Variants in SLC4A10 observed in about 807,000 individuals in gnomAD.
SLC4A10 encodes the protein solute carrier family 4 member 10, also known as sodium-driven chloride bicarbonate exchanger.
A neutral mutation model predicts 137.7 loss-of-function variants in SLC4A10; 42 were observed. That is an observed-to-expected ratio of 0.30 (90% CI 0.24 to 0.39). The LOEUF is 0.39. SLC4A10 is among the 10% of genes least tolerant of loss of function. SLC4A10 has a pLI of 1.00. For synonymous variants in SLC4A10, 474 were observed against 464.1 expected (o/e 1.02, Z -0.27); for missense variants, 925 against 1,355.0 (o/e 0.68, Z 4.98).
chr2:161,675,768 AAT>A (rs1206756711), intron 1 of SLC4A10, among the ~76,000 whole-genome samples: 1 of 152,014 alleles, frequency 6.6e-6, no homozygotes, highest in Non-Finnish European at 1.5e-5. Flanking sequence ...TTCATTTATA[AAT>A]AGTTATTTTT....
chr2:161,627,812 G>T (rs942691908), intron 1 of SLC4A10, among the ~76,000 whole-genome samples: 1 of 152,100 alleles, frequency 6.6e-6, no homozygotes, highest in East Asian at 1.9e-4. Flanking sequence ...AAGTGTGTCA[G>T]AAAGATGTGT....
In SLC4A10 at chr2:161,777,155, A is replaced by T. The variant is rs183137655; in HGVS notation, c.130+6101A>T. Among the ~76,000 whole-genome samples the T allele has an allele frequency of 4.5e-3, 675 of 151,572 alleles. 4 individuals are homozygous for T. The highest frequency in any genetic ancestry group is 4.8e-3 in the Non-Finnish European group (328 of 67,774). ...AGTTAAAATTAATTTTTAATTTTTT[A>T]AAAAATTTAATAGGGTAAAAAAATT... On this transcript the variant is annotated intron_variant, in intron 2 of 26. Coordinates refer to ENST00000446997, the MANE Select transcript of SLC4A10 (RefSeq NM_001178015.2).
At chr2:161,910,398 G>T (rs1239425022) in intron 15 of SLC4A10, among the ~76,000 whole-genome samples, 2 of 152,086 alleles carry the variant, frequency 1.3e-5, no homozygotes. Flanking sequence ...AATATGCCAA[G>T]TTAGCAATAA....
At chr2:161,827,076 ATGTT>A (rs1559339154) in intron 3 of SLC4A10, among the ~76,000 whole-genome samples, 2 of 152,182 alleles carry the variant, frequency 1.3e-5, no homozygotes, top group Non-Finnish European at 2.9e-5. Flanking sequence ...TGTTCATTAA[ATGTT>A]TGTGTAATGT....
chr2:161,733,352 A>G (rs760710239), intron 1 of SLC4A10, among the ~76,000 whole-genome samples: 1 of 152,202 alleles, frequency 6.6e-6, no homozygotes, highest in African/African-American at 2.4e-5. Flanking sequence ...AGGGGCCAAC[A>G]TAGCTCTCAG....
chr2:161,759,526 C>T (rs1226495421), intron 1 of SLC4A10, among the ~76,000 whole-genome samples: 1 of 151,942 alleles, frequency 6.6e-6, no homozygotes, highest in East Asian at 1.9e-4. Context: ...CTACACTCTG[C>T]TTATATGATT....
intron 1 of SLC4A10, among the ~76,000 whole-genome samples, chr2:161,717,416 T>C (rs1317920765): frequency 6.6e-6 from 1 of 152,214 alleles, no homozygotes; most frequent in Non-Finnish European, 1.5e-5. Context: ...CAGTATGATA[T>C]TGGCTGTGAG....
At chr2:161,673,485 C>A (rs1325383167) in intron 1 of SLC4A10, among the ~76,000 whole-genome samples, 1 of 151,978 alleles carries the variant, frequency 6.6e-6, no homozygotes, top group Admixed American at 6.6e-5. Context: ...AATGCTTTTT[C>A]AAAATTCTAT....
chr2:161,866,128 G>A (rs2060728601), intron 6 of SLC4A10, among the ~76,000 whole-genome samples: 1 of 151,980 alleles, frequency 6.6e-6, no homozygotes, highest in South Asian at 2.1e-4. Context: ...TGAAGCTTAT[G>A]TAGATAAACC....
intron 1 of SLC4A10, among the ~76,000 whole-genome samples, chr2:161,719,170 T>C (rs2045322883): frequency 6.6e-6 from 1 of 152,112 alleles, no homozygotes. Flanking sequence ...TTTCTCTCCT[T>C]GTGATAGGTT....
intron 1 of SLC4A10, among the ~76,000 whole-genome samples, chr2:161,624,781 A>C (rs117397663): frequency 6.6e-6 from 1 of 151,704 alleles, no homozygotes; most frequent in Non-Finnish European, 1.5e-5. Flanking sequence ...TGGATGCACT[A>C]CGGTGATGAA....
chr2:161,906,961 C>T (rs1046528614), intron 15 of SLC4A10, among the ~76,000 whole-genome samples: 1 of 147,226 alleles, frequency 6.8e-6, no homozygotes, highest in African/African-American at 2.5e-5. Flanking sequence ...GAGGCTGAGG[C>T]AGGAGAATGG....
At chr2:161,772,040 A>G (rs1228962272) in intron 2 of SLC4A10, among the ~76,000 whole-genome samples, 2 of 151,884 alleles carry the variant, frequency 1.3e-5, no homozygotes. Context: ...CAGGAGAATT[A>G]CTATAATATT....
chr2:161,802,508 TA>T (rs1337796924), intron 2 of SLC4A10, among the ~76,000 whole-genome samples: 34 of 152,154 alleles, frequency 2.2e-4, no homozygotes, highest in Admixed American at 2.2e-3. Context: ...CTAAGTGTTA[TA>T]CATTGGATAT....
At chr2:161,767,139 A>ATATATATATG (rs1362865580) in intron 1 of SLC4A10, among the ~76,000 whole-genome samples, 32 of 57,104 alleles carry the variant, frequency 5.6e-4, no homozygotes, top group Middle Eastern at 0.011. Context: ...ATATATATAT[A>ATATATATATG]TGTGTGTGTG....
chr2:161,872,942 G>T (rs919015067), intron 7 of SLC4A10, among the ~76,000 whole-genome samples: 1 of 152,134 alleles, frequency 6.6e-6, no homozygotes, highest in African/African-American at 2.4e-5. Context: ...TCGAACTCCT[G>T]ACCTCAGGTG....
chr2:161,656,360 T>A (rs187253778), intron 1 of SLC4A10, among the ~76,000 whole-genome samples: 2 of 152,332 alleles, frequency 1.3e-5, no homozygotes, highest in Admixed American at 6.5e-5. Context: ...TTACTAATTA[T>A]ATTTTAGTGG....
chr2:161,634,708 G>T (rs867768016), intron 1 of SLC4A10, among the ~76,000 whole-genome samples: 1 of 151,824 alleles, frequency 6.6e-6, no homozygotes, highest in Admixed American at 6.6e-5. Flanking sequence ...TCTTTATTAT[G>T]AAAACATTCA....
chr2:161,811,380 T>C (rs2056536723), intron 3 of SLC4A10, among the ~76,000 whole-genome samples: 1 of 152,050 alleles, frequency 6.6e-6, no homozygotes, highest in African/African-American at 2.4e-5. Context: ...CTGATTTTAG[T>C]AATCTCTTTT....
Sources: gnomAD v4.1 joint callset for allele counts (sites outside exome capture counted in the v4.1 genomes callset) on GRCh38, gnomAD v4.1.1 for gene constraint, MANE v1.5 for transcripts, NCBI Gene and HGNC (gene_info 2026-07-23, HGNC 2026-07-21) for gene names.